Variants in GALNT1 observed in about 807,000 individuals in gnomAD.
The protein encoded by GALNT1 is GalNAc transferase 1.
GALNT1 carries 17 observed loss-of-function variants against 65.7 expected under a neutral mutation model. The ratio of observed to expected loss-of-function variants is 0.26; its 90% CI spans 0.18 to 0.39. The LOEUF is 0.39. Among genes scored for constraint, GALNT1 ranks in the 10% least tolerant of loss-of-function variants. GALNT1 has a pLI of 1.00. For missense variants in GALNT1, 460 were observed against 672.8 expected (o/e 0.68, Z 3.50); for synonymous variants, 210 against 219.7 (o/e 0.96, Z 0.39).
At chr18:35,589,861 T>C (rs2046422848) in intron 1 of GALNT1, among the ~76,000 whole-genome samples, 1 of 152,242 alleles carries the variant, frequency 6.6e-6, no homozygotes, top group African/African-American at 2.4e-5. Flanking sequence ...AAAACCACAA[T>C]ATATAATTTC....
chr18:35,677,400 C>G (rs2047726147), intron 3 of GALNT1, among the ~76,000 whole-genome samples, 191 bp from the exon 4 acceptor site: 1 of 152,112 alleles, frequency 6.6e-6, no homozygotes, highest in South Asian at 2.1e-4. Flanking sequence ...TAATTTTAAT[C>G]TAAATATATC....
intron 1 of GALNT1, among the ~76,000 whole-genome samples, chr18:35,635,367 C>G (rs2047075605): frequency 6.6e-6 from 1 of 152,162 alleles, no homozygotes; most frequent in Non-Finnish European, 1.5e-5. Context: ...ACACCAGACA[C>G]CAGGTACACA....
chr18:35,707,921 AC>A, intron 11 of GALNT1, among the ~76,000 whole-genome samples: 1 of 152,220 alleles, frequency 6.6e-6, no homozygotes, highest in Non-Finnish European at 1.5e-5. Flanking sequence ...ACTGCTCAGG[AC>A]GTTGCCAGGA....
rs1476203292 is a variant in GALNT1, at chr18:35,709,870, T to TC, written c.*102dup. On this transcript the variant is annotated 3_prime_UTR_variant, in exon 12 of 12. Transcript: ENST00000269195. ...AAGTAGCAAAAAAGGAAAAGTGCTT[T>TC]CCTCCTCTGCAGGATGTAAGGTTTA... The TC allele has an allele frequency of 7.4e-7, 1 of 1,349,192 alleles. No individual in the cohort carries two copies. Among genetic ancestry groups the TC allele is most frequent in the Non-Finnish European group, 1.0e-6 (1 of 983,396 alleles). The allele number at this position is 1,349,192 out of a possible 1,614,324, so 83.6% of individuals were successfully genotyped here. A position where few individuals can be genotyped will look rare whatever the true frequency, so the allele number is the denominator to read the frequency against.
intron 1 of GALNT1, among the ~76,000 whole-genome samples, chr18:35,600,528 A>G (rs968541680): frequency 2.6e-5 from 4 of 152,130 alleles, no homozygotes; most frequent in African/African-American, 4.8e-5. Context: ...TTCTTTTTGA[A>G]TTGCTCTGGC....
intron 1 of GALNT1, among the ~76,000 whole-genome samples, chr18:35,609,416 C>G (rs2046689605): frequency 6.6e-6 from 1 of 152,172 alleles, no homozygotes; most frequent in African/African-American, 2.4e-5. Context: ...CTTGGCTTTT[C>G]AGACCTCATG....
At chr18:35,659,743 T>C (rs2047449400) in intron 2 of GALNT1, 2 of 152,166 alleles carry the variant, frequency 1.3e-5, no homozygotes, top group Non-Finnish European at 2.9e-5. Flanking sequence ...TAGGAAGCCT[T>C]GGAGAACATG....
intron 2 of GALNT1, among the ~76,000 whole-genome samples, chr18:35,657,558 TGGA>T (rs951892976): frequency 2.0e-5 from 3 of 152,152 alleles, no homozygotes; most frequent in African/African-American, 7.2e-5. Context: ...GAGCCCCTCC[TGGA>T]GGGTCACTGA....
At chr18:35,635,431 ACT>A (rs2047076169) in intron 1 of GALNT1, among the ~76,000 whole-genome samples, 1 of 152,160 alleles carries the variant, frequency 6.6e-6, no homozygotes, top group African/African-American at 2.4e-5. Flanking sequence ...GTACATCCTG[ACT>A]CACTGCCTGG....
chr18:35,650,565 A>G (rs2047297662), intron 1 of GALNT1, among the ~76,000 whole-genome samples: 1 of 152,164 alleles, frequency 6.6e-6, no homozygotes, highest in African/African-American at 2.4e-5. Flanking sequence ...TCCCTTATCT[A>G]CAACCATAAA....
At chr18:35,632,613 G>A (rs945618163) in intron 1 of GALNT1, among the ~76,000 whole-genome samples, 42 of 152,052 alleles carry the variant, frequency 2.8e-4, no homozygotes, top group African/African-American at 9.9e-4. Flanking sequence ...GAAAACCAAG[G>A]CAATACCATT....
At chr18:35,583,948 T>C (rs2046352191) in intron 1 of GALNT1, among the ~76,000 whole-genome samples, 1 of 152,360 alleles carries the variant, frequency 6.6e-6, no homozygotes, top group South Asian at 2.1e-4. Context: ...GTGCTTCATA[T>C]AGTTTTTAAA....
chr18:35,703,504 T>A lies in GALNT1; in HGVS notation c.1399-5T>A. The A allele has an allele frequency of 6.2e-7, 1 of 1,611,506 alleles. No individual in the cohort carries two copies. Among genetic ancestry groups the A allele is most frequent in the Non-Finnish European group, 8.5e-7 (1 of 1,179,120 alleles). On this transcript the variant is annotated splice_polypyrimidine_tract_variant and splice_region_variant and intron_variant, in intron 10 of 11. Coordinates refer to ENST00000269195, the MANE Select transcript of GALNT1 (RefSeq NM_020474.4). Reference sequence around the variant, plus strand: ...CTGTTTATGTGTGTGCATTTTTATTTCCAGGTTTTCTCTTATACTGCCAAC... The same window carrying A: ...CTGTTTATGTGTGTGCATTTTTATTACCAGGTTTTCTCTTATACTGCCAAC...
At chr18:35,609,937 A>G (rs1222726059) in intron 1 of GALNT1, among the ~76,000 whole-genome samples, 1 of 152,236 alleles carries the variant, frequency 6.6e-6, no homozygotes, top group Non-Finnish European at 1.5e-5. Flanking sequence ...GAGGTTGAAA[A>G]TAGTTCTGAA....
intron 1 of GALNT1, among the ~76,000 whole-genome samples, chr18:35,620,293 C>T (rs1383632240): frequency 1.3e-5 from 2 of 152,046 alleles, no homozygotes; most frequent in Non-Finnish European, 2.9e-5. Context: ...GAAGTTGGTC[C>T]CTTTAAAAAT....
At chr18:35,703,393 A>G (rs1355016595) in intron 10 of GALNT1, 116 bp from the exon 11 acceptor site, 1 of 931,318 alleles carries the variant, frequency 1.1e-6, no homozygotes, top group South Asian at 1.8e-5. Context: ...TTACTTTAAT[A>G]AAGTACATAA....
intron 1 of GALNT1, among the ~76,000 whole-genome samples, chr18:35,612,354 A>G (rs1216804789): frequency 1.3e-5 from 2 of 152,240 alleles, no homozygotes; most frequent in Non-Finnish European, 2.9e-5. Flanking sequence ...AGAACTGCCT[A>G]ATAGTGATAC....
At chr18:35,622,467 G>T (rs2046865482) in intron 1 of GALNT1, among the ~76,000 whole-genome samples, 1 of 151,666 alleles carries the variant, frequency 6.6e-6, no homozygotes, top group African/African-American at 2.4e-5. Flanking sequence ...GCTCAGGCTG[G>T]TCTCGAACTC....
chr18:35,664,294 C>G (rs1175332680), intron 3 of GALNT1: 1 of 152,784 alleles, frequency 6.5e-6, no homozygotes, highest in African/African-American at 2.4e-5. Context: ...ATTGACCTCT[C>G]TAAACATAGA....
Sources: gnomAD v4.1 joint callset for allele counts (sites outside exome capture counted in the v4.1 genomes callset) on GRCh38, gnomAD v4.1.1 for gene constraint, MANE v1.5 for transcripts, NCBI Gene and HGNC (gene_info 2026-07-23, HGNC 2026-07-21) for gene names.